Variants in DLGAP1 observed in about 807,000 individuals in gnomAD.
DLGAP1 encodes DLG associated protein 1, also known as disks large-associated protein 1.
DLGAP1 carries 11 observed loss-of-function variants against 90.8 expected under a neutral mutation model. That is an observed-to-expected ratio of 0.12 (90% CI 0.08 to 0.20). The LOEUF (loss-of-function observed/expected upper bound fraction) is 0.20, where lower values mean the gene tolerates loss of function less well. Ranked by LOEUF, DLGAP1 falls within the 10% of genes least tolerant of loss-of-function variation. The probability of loss-of-function intolerance (pLI) is 1.00; values close to 1 mark genes in which losing one functional copy is unlikely to be tolerated. For missense variants in DLGAP1, 1,050 were observed against 1,333.8 expected, an observed-to-expected ratio of 0.79 and a Z score of 3.31; for synonymous variants, 558 against 540.7, an observed-to-expected ratio of 1.03 and a Z score of -0.44.
At chr18:3,547,263 C>T (rs150054168) in intron 9 of DLGAP1, among the ~76,000 whole-genome samples, 4 of 139,642 alleles carry the variant, frequency 2.9e-5, no homozygotes, top group Admixed American at 7.6e-5. Flanking sequence ...GATCGCGCCA[C>T]TGCACTCCAG....
chr18:3,886,999 C>T (rs1227466909), intron 3 of DLGAP1, among the ~76,000 whole-genome samples: 5 of 152,294 alleles, frequency 3.3e-5, no homozygotes, highest in South Asian at 2.1e-4. Flanking sequence ...TGACCTACAG[C>T]GGAGTGCCAT....
At chr18:4,328,185 T>A (rs192450935) in intron 1 of DLGAP1, among the ~76,000 whole-genome samples, 2 of 152,134 alleles carry the variant, frequency 1.3e-5, no homozygotes, top group East Asian at 3.9e-4. Flanking sequence ...AACTCCCAAG[T>A]ATATGAGCAA....
rs148650724 is a variant in DLGAP1, at chr18:3,939,247, T to C, written c.-72-59107A>G. Among the ~76,000 whole-genome samples, 745 of 151,690 alleles carry C rather than the reference T, an allele frequency of 4.9e-3. 4 individuals are homozygous for C. The highest frequency in any genetic ancestry group is 8.4e-3 in the Non-Finnish European group (570 of 67,874). ...CAGCCTGGCCAACATGGTGAAATCC[T>C]GTCTCTATTAAAAATACGAAAGTTA... On this transcript the variant is annotated intron_variant, in intron 3 of 12. Coordinates refer to ENST00000315677, the MANE Select transcript of DLGAP1 (RefSeq NM_004746.4).
At chr18:3,548,624 G>A (rs1212501125) in intron 9 of DLGAP1, among the ~76,000 whole-genome samples, 1 of 152,116 alleles carries the variant, frequency 6.6e-6, no homozygotes, top group Admixed American at 6.5e-5. Context: ...AAAATTAGCT[G>A]GGCGTGGTGG....
chr18:4,146,856 T>C (rs1280201156), intron 2 of DLGAP1, among the ~76,000 whole-genome samples: 2 of 152,048 alleles, frequency 1.3e-5, no homozygotes, highest in Non-Finnish European at 2.9e-5. Flanking sequence ...AAAAAATAAG[T>C]GGAAACTTGG....
At chr18:4,051,330 C>T (rs1447619387) in intron 2 of DLGAP1, among the ~76,000 whole-genome samples, 6 of 152,242 alleles carry the variant, frequency 3.9e-5, no homozygotes, top group African/African-American at 1.4e-4. Flanking sequence ...GCTTAATTGA[C>T]TCATAGTTCA....
At chr18:3,700,081 G>A (rs1450226364) in intron 7 of DLGAP1, among the ~76,000 whole-genome samples, 1 of 152,154 alleles carries the variant, frequency 6.6e-6, no homozygotes, top group East Asian at 1.9e-4. Context: ...GGGATCCGCT[G>A]AGCTAGACCA....
At chr18:3,628,293 G>A (rs1488250650) in intron 7 of DLGAP1, among the ~76,000 whole-genome samples, 3 of 151,298 alleles carry the variant, frequency 2.0e-5, no homozygotes, top group East Asian at 2.0e-4. Context: ...GGGTTCGAGC[G>A]ATTCTCCTAT....
At chr18:4,398,484 C>T (rs1371117568) in intron 1 of DLGAP1, among the ~76,000 whole-genome samples, 1 of 152,188 alleles carries the variant, frequency 6.6e-6, no homozygotes, top group African/African-American at 2.4e-5. Flanking sequence ...CCTGCTTGAT[C>T]CTGGACAAAT....
At position 3,879,768 on chromosome 18, in the gene DLGAP1, C is replaced by T. The variant is rs2071101818; in HGVS notation, c.301G>A (p.Ala101Thr). 4 of 1,607,672 alleles carry T rather than the reference C, an allele frequency of 2.5e-6. No individual in the cohort carries two copies. The highest frequency in any genetic ancestry group is 1.1e-5 in the South Asian group (1 of 91,072). The change falls in exon 4 of 13, where the codon GCC becomes ACC. Residue 101 changes from alanine to threonine, a missense_variant. Physicochemically the swap from Ala to Thr is moderately conservative, Grantham distance 58. Coordinates refer to ENST00000315677, the MANE Select transcript of DLGAP1 (RefSeq NM_004746.4). The surrounding 1 kb of genome is among the most constrained non-coding windows in gnomAD (Gnocchi z 6.6). The part of the protein sequence containing the change: ...TLATKANRIP[A>T]NLLDQFERQL... ...CGCTCGAACTGGTCCAGCAGGTTGG[C>T]GGGGATGCGGTTCGCCTTGGTGGCC... is the stretch of plus-strand genomic sequence containing the variant.
At chr18:4,399,580 CT>C (rs2082509567) in intron 1 of DLGAP1, among the ~76,000 whole-genome samples, 1 of 152,090 alleles carries the variant, frequency 6.6e-6, no homozygotes, top group African/African-American at 2.4e-5. Flanking sequence ...CTTAGGATAC[CT>C]TTTTCTCCAT....
chr18:3,504,237 A>G (rs2050093810), intron 11 of DLGAP1, among the ~76,000 whole-genome samples: 1 of 152,230 alleles, frequency 6.6e-6, no homozygotes, highest in Non-Finnish European at 1.5e-5. Flanking sequence ...AAATCAGAAT[A>G]CTACAGAGAA....
At chr18:3,965,936 A>G (rs2073318439) in intron 3 of DLGAP1, among the ~76,000 whole-genome samples, 1 of 105,802 alleles carries the variant, frequency 9.5e-6, no homozygotes, top group Non-Finnish European at 1.9e-5. Context: ...GTAAGACTCC[A>G]TGTCAAAAAA....
Position 4,067,098 on chromosome 18 carries a change from T to C in DLGAP1, c.-158-61897A>G, listed in dbSNP as rs373765524. Among the ~76,000 whole-genome samples the C allele has an allele frequency of 3.3e-5, 5 of 152,180 alleles. No homozygotes were observed. The East Asian group carries it at 9.6e-4, about 29-fold the overall frequency. On this transcript the variant is annotated intron_variant, in intron 2 of 12. Coordinates refer to ENST00000315677, the MANE Select transcript of DLGAP1 (RefSeq NM_004746.4). Reference sequence around the variant, plus strand: ...GAAGAGAAAACCAAATACCACATGCTCTCACTTATAAGTGGGAGCTAAATG... The same window carrying C: ...GAAGAGAAAACCAAATACCACATGCCCTCACTTATAAGTGGGAGCTAAATG...
intron 4 of DLGAP1, among the ~76,000 whole-genome samples, chr18:3,865,856 T>C (rs951592119): frequency 1.3e-5 from 2 of 152,186 alleles, no homozygotes; most frequent in Non-Finnish European, 2.9e-5. Context: ...ACCTTCTTAG[T>C]AAGTTAAAGT....
At chr18:3,647,962 G>T (rs1359516067) in intron 7 of DLGAP1, among the ~76,000 whole-genome samples, 1 of 152,064 alleles carries the variant, frequency 6.6e-6, no homozygotes, top group African/African-American at 2.4e-5. Context: ...ACAATTTTAG[G>T]AGTTCATATT....
At chr18:3,537,276 C>G (rs904278808) in intron 9 of DLGAP1, among the ~76,000 whole-genome samples, 1 of 152,174 alleles carries the variant, frequency 6.6e-6, no homozygotes, top group African/African-American at 2.4e-5. Flanking sequence ...CTCCCCCTGG[C>G]CCCAGGCAGC....
chr18:4,290,630 A>G (rs1160210760), intron 1 of DLGAP1, among the ~76,000 whole-genome samples: 1 of 152,186 alleles, frequency 6.6e-6, no homozygotes. Context: ...CAGTTTCCCA[A>G]TGGTGAAGAT....
At chr18:4,321,516 T>C (rs2143601084) in intron 1 of DLGAP1, among the ~76,000 whole-genome samples, 1 of 152,268 alleles carries the variant, frequency 6.6e-6, no homozygotes, top group African/African-American at 2.4e-5. Context: ...AACTTAAAAG[T>C]AGTCCCCACC....
Sources: allele counts gnomAD v4.1 joint callset (sites outside exome capture counted in the v4.1 genomes callset), GRCh38; gene constraint gnomAD v4.1.1; non-coding constraint Gnocchi (gnomAD v3.1); transcripts MANE v1.5; gene names NCBI Gene and HGNC (gene_info 2026-07-23, HGNC 2026-07-21).